The following GRIN2C variants were observed in gnomAD, a reference collection of about 807,000 sequenced individuals.
GRIN2C encodes glutamate ionotropic receptor NMDA type subunit 2C, also known as glutamate receptor ionotropic, NMDA 2C.
Under a neutral mutation model 77.7 loss-of-function variants are expected in GRIN2C, and 64 were observed. The ratio of observed to expected loss-of-function variants is 0.82; its 90% CI spans 0.67 to 1.01. The LOEUF (loss-of-function observed/expected upper bound fraction) is 1.01, where lower values mean the gene tolerates loss of function less well. Ranked by LOEUF, GRIN2C falls within the 50% of genes least tolerant of loss-of-function variation. The pLI is 0.00. For synonymous variants in GRIN2C, 792 were observed against 643.4 expected (o/e 1.23, Z -3.49); for missense variants, 1,549 against 1,486.0 (o/e 1.04, Z -0.70).
chr17:74,855,526 G>A (rs911083129), intron 1 of GRIN2C, among the ~76,000 whole-genome samples: 4 of 152,198 alleles, frequency 2.6e-5, no homozygotes, highest in African/African-American at 7.2e-5. Context: ...GTGATCTTAG[G>A]GAAGTCACTT....
chr17:74,854,603 G>C (rs573700947), intron 2 of GRIN2C, 91 bp downstream of exon 2: 1 of 1,081,416 alleles, frequency 9.2e-7, no homozygotes, highest in African/African-American at 1.6e-5. Flanking sequence ...TGCCCATCCC[G>C]TCTAATCCCA....
At chr17:74,851,091 G>A (rs2037628926) in intron 4 of GRIN2C, 1 of 404,286 alleles carries the variant, frequency 2.5e-6, no homozygotes, top group Admixed American at 3.8e-5. Flanking sequence ...TCTCTTCCAG[G>A]CTAGCACCTC....
chr17:74,851,900 C>T, intron 3 of GRIN2C, 113 bp downstream of exon 3: 1 of 811,274 alleles, frequency 1.2e-6, no homozygotes, highest in South Asian at 1.9e-5. Context: ...GGTAATGTGG[C>T]CCCAGGCACG....
chr17:74,852,358 T>A lies in GRIN2C; in HGVS notation c.653A>T (p.Gln218Leu), dbSNP rs1244704092. 2.1e-6 allele frequency: 3 copies of A among 1,453,744 alleles called. No homozygotes were observed. Among genetic ancestry groups the A allele is most frequent in the Admixed American group, 2.8e-5 (1 of 36,130 alleles). The allele number at this position is 1,453,744 out of a possible 1,614,324, so 90.1% of individuals were successfully genotyped here. A position where few individuals can be genotyped will look rare whatever the true frequency, so the allele number is the denominator to read the frequency against. The part of the protein sequence containing the change: ...PRARTQRLLR[Q>L]LDAPVFVAYC... Reference sequence around the variant, plus strand: ...GGCCACAAACACGGGCGCGTCGAGCTGGCGCAGCAGGCGCTGCGTGCGCGC... The same window carrying A: ...GGCCACAAACACGGGCGCGTCGAGCAGGCGCAGCAGGCGCTGCGTGCGCGC... Residue 218 changes from glutamine (Q) to leucine (L), a missense_variant, in exon 3 of 13, where the codon CAG becomes CTG. Physicochemically the swap from Gln to Leu is moderately radical, Grantham distance 113. Around this residue, in one of 3 missense-constraint regions of GRIN2C, gnomAD observed 382 missense variants for 360.0 expected, o/e 1.06. Transcript: ENST00000293190.
upstream of GRIN2C, chr17:74,860,812 G>A: frequency 6.3e-6 from 2 of 315,506 alleles, no homozygotes; most frequent in Non-Finnish European, 1.2e-5. Context: ...AGGAGATGGG[G>A]CAGAGCTGGA....
chr17:74,846,648 C>A lies in GRIN2C; in HGVS notation c.2162+112G>T. ...TGCCCCAAGACCTCTTCCCTCCACC[C>A]CACAGGAGTCCTGCAGGACAGCCCA... On this transcript the variant is annotated intron_variant, in intron 10 of 12. Transcript: ENST00000293190. The surrounding 1 kb of genome is among the most constrained non-coding windows in gnomAD (Gnocchi z 4.4). The A allele has an allele frequency of 8.5e-7, 1 of 1,177,146 alleles. No individual in the cohort carries two copies. The allele number at this position is 1,177,146 out of a possible 1,614,324, so 72.9% of individuals were successfully genotyped here. A position where few individuals can be genotyped will look rare whatever the true frequency, so the allele number is the denominator to read the frequency against.
rs1392229427 is a variant in GRIN2C at position 74,859,648 on chromosome 17, C to T, written c.-16+96G>A. ...CTGCTGGGGGCACGGAGTTCTTGCTCCTCCAAGGCTACGGCCCCCGTCTCC... is the reference window on the plus strand; with the variant it reads ...CTGCTGGGGGCACGGAGTTCTTGCTTCTCCAAGGCTACGGCCCCCGTCTCC... On this transcript the variant is annotated intron_variant, in intron 1 of 12. Transcript: ENST00000293190. This position sits in a 1 kb window ranked among gnomAD's most constrained non-coding sequence, Gnocchi z 5.9. The T allele has an allele frequency of 6.6e-6, 1 of 152,250 alleles. No homozygotes were observed. Among genetic ancestry groups the T allele is most frequent in the Non-Finnish European group, 1.5e-5 (1 of 68,086 alleles). 9.4% of individuals were successfully genotyped at this position (152,250 alleles called of 1,614,324 possible). A position where few individuals can be genotyped will look rare whatever the true frequency, so the allele number is the denominator to read the frequency against.
Position 74,846,763 on chromosome 17 carries a change from A to T in GRIN2C, c.2159T>A (p.Met720Lys), listed in dbSNP as rs2037468119. ...SVEDALTSLK[M>K]GKLDAFIYDA... Reference sequence around the variant, plus strand: ...GGGTGCAGGGCTGGGGACCCACCCCATCTTGAGGCTGGTGAGCGCGTCCTC... The same window carrying T: ...GGGTGCAGGGCTGGGGACCCACCCCTTCTTGAGGCTGGTGAGCGCGTCCTC... Residue 720 changes from methionine to lysine, a missense_variant, in exon 10 of 13, where the codon ATG becomes AAG. Transcript: ENST00000293190. The surrounding 1 kb of genome is among the most constrained non-coding windows in gnomAD (Gnocchi z 4.4). The T allele has an allele frequency of 6.2e-7, 1 of 1,613,448 alleles. No individual in the cohort carries two copies. Among genetic ancestry groups the T allele is most frequent in the African/African-American group, 1.3e-5 (1 of 74,944 alleles).
intron 1 of GRIN2C, among the ~76,000 whole-genome samples, chr17:74,856,779 ATCTC>A (rs545457167): frequency 7.8e-4 from 118 of 151,814 alleles, no homozygotes; most frequent in South Asian, 1.0e-3. Flanking sequence ...ACACCCAGCT[ATCTC>A]TCTCTTTTTT....
chr17:74,847,271 T>TTCCCCCCCCCCCCCCCCCCC lies in GRIN2C; in HGVS notation c.2001+36_2001+37insGGGGGGGGGGGGGGGGGGGA. ...ACTCACGGCCTGTCCCCACCCTCAG[T>TTCCCCCCCCCCCCCCCCCCC]GCCCCCCCCCACCCCCAGCAGCTAT... On this transcript the variant is annotated intron_variant, in intron 9 of 12. Transcript: ENST00000293190. This position sits in a 1 kb window ranked among gnomAD's most constrained non-coding sequence, Gnocchi z 5.2. 1.6e-6 allele frequency: 1 copy of TTCCCCCCCCCCCCCCCCCCC among 644,462 alleles called. No homozygotes were observed. The highest frequency in any genetic ancestry group is 3.4e-5 in the East Asian group (1 of 29,034). 39.9% of individuals were successfully genotyped at this position (644,462 alleles called of 1,614,324 possible). A position where few individuals can be genotyped will look rare whatever the true frequency, so the allele number is the denominator to read the frequency against.
Position 74,848,091 on chromosome 17 carries a change from T to C in GRIN2C, c.1646-114A>G, listed in dbSNP as rs2037521449. On this transcript the variant is annotated intron_variant, in intron 7 of 12. Transcript: ENST00000293190. ...GATCAAAGTAGGGGCCCACCAGCTC[T>C]GCGGACCCAGCCAAGGGGGCCTCTG... The C allele has an allele frequency of 3.4e-6, 4 of 1,173,304 alleles. No homozygotes were observed. In the East Asian group the frequency reaches 9.9e-5, roughly 29 times the overall value. 72.7% of individuals were successfully genotyped at this position (1,173,304 alleles called of 1,614,324 possible). A position where few individuals can be genotyped will look rare whatever the true frequency, so the allele number is the denominator to read the frequency against.
rs375174698 is a variant in GRIN2C at position 74,850,716 on chromosome 17, G to A, written c.1165C>T (p.Arg389Cys). ...VLYMKYPVWPRYSASLQPVVD... is the reference protein window; with the variant it reads ...VLYMKYPVWPCYSASLQPVVD... ...ACAGGCTGCAGAGAGGCACTGTAGC[G>A]AGGCCACACGGGGTACTTCATGTAT... Residue 389 changes from arginine (R) to cysteine (C), a missense_variant, in exon 5 of 13, where the codon CGC becomes TGC. Around this residue, in one of 3 missense-constraint regions of GRIN2C, gnomAD observed 717 missense variants for 858.1 expected, o/e 0.84. Transcript: ENST00000293190. This position sits in a 1 kb window ranked among gnomAD's most constrained non-coding sequence, Gnocchi z 5.3. 5.6e-6 allele frequency: 9 copies of A among 1,613,404 alleles called. No homozygotes were observed. Among genetic ancestry groups the A allele is most frequent in the East Asian group, 4.5e-5 (2 of 44,898 alleles).
At position 74,847,555 on chromosome 17, in the gene GRIN2C, G is replaced by A. The variant is rs1272715079; in HGVS notation, c.1772-18C>T. 1 of 1,561,728 alleles carries A rather than the reference G, an allele frequency of 6.4e-7. No individual in the cohort carries two copies. Among genetic ancestry groups the A allele is most frequent in the South Asian group, 1.1e-5 (1 of 89,718 alleles). On this transcript the variant is annotated intron_variant, in intron 8 of 12. Coordinates refer to ENST00000293190, the MANE Select transcript of GRIN2C (RefSeq NM_000835.6). The surrounding 1 kb of genome is among the most constrained non-coding windows in gnomAD (Gnocchi z 5.2). The stretch of plus-strand genomic sequence containing the variant: ...CCCGGACTCTGGGGGCAAGAGGCGG[G>A]GGGATGCTGGAGCTCCTCCTGCCCA...
At chr17:74,857,583 T>A (rs1278404034) in intron 1 of GRIN2C, among the ~76,000 whole-genome samples, 1 of 152,222 alleles carries the variant, frequency 6.6e-6, no homozygotes, top group Non-Finnish European at 1.5e-5. Context: ...CAAAGGACAC[T>A]GACATGCTTG....
chr17:74,860,486 G>A (rs796673783), upstream of GRIN2C: 3 of 456,694 alleles, frequency 6.6e-6, no homozygotes, highest in Admixed American at 2.3e-5. Flanking sequence ...CGCACCTGGG[G>A]GTTCAGGTTG....
Position 74,850,825 on chromosome 17 carries a change from G to A in GRIN2C, c.1114-58C>T, listed in dbSNP as rs929652332. The A allele has an allele frequency of 5.0e-6, 7 of 1,408,376 alleles. No individual in the cohort carries two copies. Among genetic ancestry groups the A allele is most frequent in the Admixed American group, 1.9e-5 (1 of 51,936 alleles). The allele number at this position is 1,408,376 out of a possible 1,614,324, so 87.2% of individuals were successfully genotyped here. ...CCAGCCCTACAGCCCCCACCCTCTA[G>A]GTGGAGCCTGCCAGGGCCAAGAATC... On this transcript the variant is annotated intron_variant, in intron 4 of 12. Coordinates refer to ENST00000293190, the MANE Select transcript of GRIN2C (RefSeq NM_000835.6). This position sits in a 1 kb window ranked among gnomAD's most constrained non-coding sequence, Gnocchi z 5.3.
At chr17:74,858,349 T>G in intron 1 of GRIN2C, among the ~76,000 whole-genome samples, 3 of 30,826 alleles carry the variant, frequency 9.7e-5, no homozygotes, top group South Asian at 8.0e-4. Flanking sequence ...GGGTTGGGGG[T>G]TGGGGGTCGG....
intron 1 of GRIN2C, among the ~76,000 whole-genome samples, chr17:74,857,943 A>T (rs1052992425): frequency 6.6e-6 from 1 of 152,230 alleles, no homozygotes; most frequent in Non-Finnish European, 1.5e-5. Flanking sequence ...TATACTATTA[A>T]AATTAACGTC....
rs2037481199 is a variant in GRIN2C at position 74,847,110 on chromosome 17, A to G, written c.2002-190T>C. 3 of 732,080 alleles carry G rather than the reference A, an allele frequency of 4.1e-6. No homozygotes were observed. Among genetic ancestry groups the G allele is most frequent in the South Asian group, 3.7e-5 (2 of 53,958 alleles). The allele number at this position is 732,080 out of a possible 1,614,324, so 45.3% of individuals were successfully genotyped here. ...TGAGGCCCAAGACAGGGAGAGACTT[A>G]CCCAAGGCCTCTCAGCCGGTGGCCC... On this transcript the variant is annotated intron_variant, in intron 9 of 12. Coordinates refer to ENST00000293190, the MANE Select transcript of GRIN2C (RefSeq NM_000835.6). This position sits in a 1 kb window ranked among gnomAD's most constrained non-coding sequence, Gnocchi z 5.2.
Sources: gnomAD v4.1 joint callset for allele counts (sites outside exome capture counted in the v4.1 genomes callset) on GRCh38, gnomAD v4.1.1 for gene constraint, gnomAD v4.1.1 regional missense constraint, Gnocchi (gnomAD v3.1) non-coding constraint, MANE v1.5 for transcripts, NCBI Gene and HGNC (gene_info 2026-07-23, HGNC 2026-07-21) for gene names.